Variants in SMURF1 observed in about 807,000 individuals in gnomAD.
SMURF1 encodes E3 ubiquitin-protein ligase SMURF1.
A neutral mutation model predicts 98.0 loss-of-function variants in SMURF1; 44 were observed. That is an observed-to-expected ratio of 0.45 (90% CI 0.35 to 0.58). The LOEUF is 0.58. Ranked by LOEUF, SMURF1 falls within the 20% of genes least tolerant of loss-of-function variation. The probability of loss-of-function intolerance (pLI) is 0.00; values close to 1 mark genes in which losing one functional copy is unlikely to be tolerated. For missense variants in SMURF1, 687 were observed against 938.4 expected (o/e 0.73, Z 3.50); for synonymous variants, 396 against 374.9 (o/e 1.06, Z -0.65).
At position 99,057,359 on chromosome 7, in the gene SMURF1, C is replaced by T. The variant is rs1795902080; in HGVS notation, c.337+59G>A. The stretch of plus-strand genomic sequence containing the variant: ...AGTATTCAGCGATCAAAACAAAAAA[C>T]GATGCCTCCTAAGCTTTCTTTGGTT... On this transcript the variant is annotated intron_variant, in intron 4 of 17. Coordinates refer to ENST00000361368, the MANE Select transcript of SMURF1 (RefSeq NM_181349.3). 9.9e-6 allele frequency: 16 copies of T among 1,612,362 alleles called. No homozygotes were observed. The East Asian group carries it at 1.8e-4, about 18-fold the overall frequency.
intron 1 of SMURF1, among the ~76,000 whole-genome samples, chr7:99,096,564 T>C (rs1563026829): frequency 6.6e-6 from 1 of 152,070 alleles, no homozygotes; most frequent in African/African-American, 2.4e-5. Flanking sequence ...GTGTGGGAGA[T>C]AAAGAAAGAC....
chr7:99,055,195 C>T (rs148571516), intron 5 of SMURF1, among the ~76,000 whole-genome samples: 108 of 152,042 alleles, frequency 7.1e-4, no homozygotes, highest in African/African-American at 2.5e-3. Flanking sequence ...GGGCCAGGCA[C>T]GGTGGCTCAT....
At chr7:99,071,762 G>T (rs1796328591) in intron 1 of SMURF1, among the ~76,000 whole-genome samples, 1 of 152,166 alleles carries the variant, frequency 6.6e-6, no homozygotes, top group South Asian at 2.1e-4. Context: ...AATAAACCCA[G>T]TGGAATGTTT....
chr7:99,054,811 CTG>C lies in SMURF1; in HGVS notation c.456_457del (p.Cys152TrpfsTer7). On this transcript the variant is annotated frameshift_variant, in exon 6 of 18. Transcript: ENST00000361368. LOFTEE classifies it high-confidence loss of function. ...GTACCCTTCATTTTCTAACAGTCCTCTGCAGTCCACCACCGAGCCGCCGGTTC... is the reference window on the plus strand; with the variant it reads ...GTACCCTTCATTTTCTAACAGTCCTCCAGTCCACCACCGAGCCGCCGGTTC... 1 of 1,614,106 alleles carries C rather than the reference CTG, an allele frequency of 6.2e-7. No homozygotes were observed. The highest frequency in any genetic ancestry group is 8.5e-7 in the Non-Finnish European group (1 of 1,180,022).
intron 1 of SMURF1, among the ~76,000 whole-genome samples, chr7:99,125,154 C>G (rs1797718294): frequency 6.6e-6 from 1 of 152,208 alleles, no homozygotes. Flanking sequence ...TCATGGCTCA[C>G]TGCAGCCTCA....
At chr7:99,080,122 G>A (rs1472959181) in intron 1 of SMURF1, among the ~76,000 whole-genome samples, 1 of 152,094 alleles carries the variant, frequency 6.6e-6, no homozygotes, top group Non-Finnish European at 1.5e-5. Context: ...TCATAACAGT[G>A]CACCACAGAG....
At position 99,040,295 on chromosome 7, in the gene SMURF1, G is replaced by GCA. The variant is rs1478604348; in HGVS notation, c.1550+82_1550+83insTG. On this transcript the variant is annotated intron_variant, in intron 13 of 17. Coordinates refer to ENST00000361368, the MANE Select transcript of SMURF1 (RefSeq NM_181349.3). Reference sequence around the variant, plus strand: ...ACACATCCCCAAAATACACACACACGCGCGCGCGCGCGCACGCGCATACAT... The same window carrying GCA: ...ACACATCCCCAAAATACACACACACGCACGCGCGCGCGCGCACGCGCATACAT... 1.3e-5 allele frequency: 9 copies of GCA among 697,658 alleles called. 1 individual carries two copies. The Admixed American group carries it at 2.1e-4, about 17-fold the overall frequency. The allele number at this position is 697,658 out of a possible 1,614,324, so 43.2% of individuals were successfully genotyped here.
At chr7:99,043,535 G>C (rs1795462093) in intron 11 of SMURF1, among the ~76,000 whole-genome samples, 1 of 152,184 alleles carries the variant, frequency 6.6e-6, no homozygotes, top group Admixed American at 6.5e-5. Context: ...GATGACTACG[G>C]AAAACGCAGA....
intron 1 of SMURF1, among the ~76,000 whole-genome samples, chr7:99,138,812 CTATT>C (rs1292371502): frequency 6.6e-6 from 1 of 152,220 alleles, no homozygotes; most frequent in Non-Finnish European, 1.5e-5. Flanking sequence ...ACAAAAACCT[CTATT>C]TGGCAGAATG....
intron 1 of SMURF1, among the ~76,000 whole-genome samples, chr7:99,087,709 C>T (rs1477648237): frequency 6.6e-6 from 1 of 152,140 alleles, no homozygotes; most frequent in Non-Finnish European, 1.5e-5. Context: ...ACTCCTCCGA[C>T]GCTATCAATC....
In SMURF1 at chr7:99,045,726, C is replaced by CT; in HGVS notation, c.1227dup (p.Glu410ArgfsTer19). On this transcript the variant is annotated frameshift_variant, in exon 11 of 18. Transcript: ENST00000361368. LOFTEE classifies it high-confidence loss of function. ...GCCACACCACCGTAATCCAAACCTT[C>CT]TTCCCCACGGAATTTCACCATCAGC... The CT allele has an allele frequency of 6.2e-7, 1 of 1,614,184 alleles. No individual in the cohort carries two copies. Among genetic ancestry groups the CT allele is most frequent in the Non-Finnish European group, 8.5e-7 (1 of 1,179,998 alleles).
At chr7:99,035,476 AGACGCGTCATC>A in intron 16 of SMURF1, 28 bp downstream of exon 16, 1 of 1,607,222 alleles carries the variant, frequency 6.2e-7, no homozygotes, top group South Asian at 1.1e-5. Context: ...CAGCGCACAT[AGACGCGTCATC>A]GAATAGCCCT....
chr7:99,055,890 C>T (rs546053585), intron 5 of SMURF1, among the ~76,000 whole-genome samples: 179 of 152,156 alleles, frequency 1.2e-3, no homozygotes, highest in African/African-American at 3.9e-3. Context: ...CGCTTAAACG[C>T]GGGAGGCGGA....
chr7:99,033,769 T>C (rs917008929), intron 16 of SMURF1, among the ~76,000 whole-genome samples: 1 of 152,210 alleles, frequency 6.6e-6, no homozygotes, highest in Non-Finnish European at 1.5e-5. Context: ...ACCAGTTCTG[T>C]AGGGCAGGGA....
At chr7:99,069,104 G>T (rs1796265307) in intron 1 of SMURF1, among the ~76,000 whole-genome samples, 1 of 152,084 alleles carries the variant, frequency 6.6e-6, no homozygotes, top group African/African-American at 2.4e-5. Context: ...TTTCTTTAAT[G>T]AAAGAGGTAA....
chr7:99,034,071 A>G (rs1299684092), intron 16 of SMURF1, among the ~76,000 whole-genome samples: 2 of 152,230 alleles, frequency 1.3e-5, no homozygotes, highest in African/African-American at 4.8e-5. Context: ...CTCAGTGTGC[A>G]GCCCCTGGTT....
chr7:99,115,944 C>A (rs1797435782), intron 1 of SMURF1, among the ~76,000 whole-genome samples: 1 of 152,058 alleles, frequency 6.6e-6, no homozygotes, highest in South Asian at 2.1e-4. Context: ...CATTTCCTAA[C>A]TCATTCTGTG....
At chr7:99,087,184 A>G (rs1391276012) in intron 1 of SMURF1, among the ~76,000 whole-genome samples, 3 of 152,084 alleles carry the variant, frequency 2.0e-5, no homozygotes, top group Non-Finnish European at 4.4e-5. Context: ...AGCCTGGGCA[A>G]CATAGCAAGA....
At position 99,060,720 on chromosome 7, in the gene SMURF1, G is replaced by GGAGACCCACACCTAGAT. The variant is rs759561674; in HGVS notation, c.95-30_95-14dup. 8.0e-5 allele frequency: 127 copies of GGAGACCCACACCTAGAT among 1,591,954 alleles called. No homozygotes were observed. Among genetic ancestry groups the GGAGACCCACACCTAGAT allele is most frequent in the Non-Finnish European group, 1.1e-4 (122 of 1,161,330 alleles). On this transcript the variant is annotated splice_polypyrimidine_tract_variant and intron_variant, in intron 2 of 17. Transcript: ENST00000361368. ...GGGTCAGGGAGCCCTAGAGGAGAGA[G>GGAGACCCACACCTAGAT]GAGACCCACACCTAGATGAGACCTC...
Sources: allele counts gnomAD v4.1 joint callset (sites outside exome capture counted in the v4.1 genomes callset), GRCh38; gene constraint gnomAD v4.1.1; transcripts MANE v1.5; gene names NCBI Gene and HGNC (gene_info 2026-07-23, HGNC 2026-07-21).